Variants in KIAA1210 observed in about 807,000 individuals in gnomAD.
KIAA1210 encodes the protein acrosomal protein KIAA1210.
Under a neutral mutation model 78.9 loss-of-function variants are expected in KIAA1210, and 48 were observed. That is an observed-to-expected ratio of 0.61 (90% CI 0.48 to 0.77). The LOEUF is 0.77. KIAA1210 is among the 30% of genes least tolerant of loss of function. The pLI is 0.00. For missense variants in KIAA1210, 1,108 were observed against 1,100.0 expected, an observed-to-expected ratio of 1.01 and a Z score of -0.10; for synonymous variants, 406 against 404.5, an observed-to-expected ratio of 1.00 and a Z score of -0.04.
chrX:119,088,917 T>C lies in KIAA1210; in HGVS notation c.1785A>G (p.Ser595=). ...TLPPRSLFQS[S]RKPDAEEVSS... ...AGACTTCTTCAGCATCAGGCTTCCT[T>C]GAGGACTGAAAAAGGCTTCTGGGAG... The change falls in exon 9 of 12, where the codon TCA becomes TCG. Residue 595 remains serine, a synonymous_variant. Coordinates refer to ENST00000691062, the MANE Select transcript of KIAA1210 (RefSeq NM_001394962.1). 1 of 1,211,285 alleles carries C rather than the reference T, an allele frequency of 8.3e-7. No homozygotes were observed. The highest frequency in any genetic ancestry group is 1.1e-6 in the Non-Finnish European group (1 of 895,109).
rs1926951085 is a variant in KIAA1210, at chrX:119,081,285, A to C, written c.*44T>G. 4 of 1,009,322 alleles carry C rather than the reference A, an allele frequency of 4.0e-6. No individual in the cohort carries two copies. Among genetic ancestry groups the C allele is most frequent in the Non-Finnish European group, 5.3e-6 (4 of 760,099 alleles). 83.2% of individuals were successfully genotyped at this position (1,009,322 alleles called of 1,213,427 possible). ...CTGTCTCAAAAAAAAAAAAAAAAAA[A>C]AAAACTAAATAAAATAAATGCTGAT... On this transcript the variant is annotated 3_prime_UTR_variant, in exon 12 of 12. Coordinates refer to ENST00000691062, the MANE Select transcript of KIAA1210 (RefSeq NM_001394962.1).
intron 1 of KIAA1210, among the ~76,000 whole-genome samples, chrX:119,127,088 AT>A (rs201206630): frequency 2.3e-4 from 22 of 97,326 alleles, no homozygotes; most frequent in South Asian, 1.4e-3. Flanking sequence ...AAAAAAAAAA[AT>A]ATTCAAAAGC....
chrX:119,090,332 C>T (rs763820245), intron 8 of KIAA1210, among the ~76,000 whole-genome samples: 46 of 111,131 alleles, frequency 4.1e-4, no homozygotes, highest in African/African-American at 1.2e-3. Context: ...GCTGCAGTGG[C>T]GCGATCTCGG....
chrX:119,108,773 A>T (rs1927973999), intron 4 of KIAA1210, among the ~76,000 whole-genome samples: 1 of 107,736 alleles, frequency 9.3e-6, no homozygotes, highest in Non-Finnish European at 1.9e-5. Flanking sequence ...GAGCCTGGGA[A>T]GTTGAGTCTG....
chrX:119,090,103 T>G (rs190363700), intron 8 of KIAA1210, among the ~76,000 whole-genome samples: 3 of 111,198 alleles, frequency 2.7e-5, no homozygotes, highest in Admixed American at 9.6e-5. Context: ...ATTTTTTACT[T>G]TCTAATTAGC....
At chrX:119,107,324 G>A (rs187132060) in intron 5 of KIAA1210, among the ~76,000 whole-genome samples, 6 of 112,476 alleles carry the variant, frequency 5.3e-5, no homozygotes, top group African/African-American at 1.6e-4. Context: ...TGCTATATGA[G>A]TCTCTCTGTT....
chrX:119,140,862 C>A (rs1929033541), intron 2 of KIAA1210, among the ~76,000 whole-genome samples: 1 of 112,256 alleles, frequency 8.9e-6, no homozygotes, highest in African/African-American at 3.2e-5. Flanking sequence ...ATCACCTGAG[C>A]CCAGGAGTTC....
At chrX:119,126,563 G>T (rs1446403681) in intron 1 of KIAA1210, among the ~76,000 whole-genome samples, 1 of 111,691 alleles carries the variant, frequency 9.0e-6, no homozygotes, top group Non-Finnish European at 1.9e-5. Flanking sequence ...TAATTACCCC[G>T]CTCACACACA....
At chrX:119,112,109 A>ACT (rs1371188544) in intron 3 of KIAA1210, among the ~76,000 whole-genome samples, 7 of 109,917 alleles carry the variant, frequency 6.4e-5, no homozygotes, top group African/African-American at 1.0e-4. Flanking sequence ...CCCCGCTTGC[A>ACT]CTCTCTCTCT....
At chrX:119,101,211 A>G (rs1197916708) in intron 6 of KIAA1210, among the ~76,000 whole-genome samples, 1 of 112,186 alleles carries the variant, frequency 8.9e-6, no homozygotes, top group African/African-American at 3.2e-5. Flanking sequence ...GTCCTTTTTA[A>G]TGATTTCTTT....
At chrX:119,145,861 A>G (rs753368219) in intron 2 of KIAA1210, among the ~76,000 whole-genome samples, 15 of 112,262 alleles carry the variant, frequency 1.3e-4, no homozygotes, top group Admixed American at 2.8e-4. Context: ...TTAAAGCAGT[A>G]GAAGGAGAGT....
chrX:119,129,705 C>T (rs1201345377), upstream of KIAA1210, among the ~76,000 whole-genome samples: 1 of 111,502 alleles, frequency 9.0e-6, no homozygotes, highest in Non-Finnish European at 1.9e-5. Context: ...ATACACAGAT[C>T]CCATTCCTAG....
At position 119,116,677 on chromosome X, in the gene KIAA1210, A is replaced by G; in HGVS notation, c.62-13T>C. The G allele has an allele frequency of 8.4e-7, 1 of 1,186,560 alleles. No individual in the cohort carries two copies. Among genetic ancestry groups the G allele is most frequent in the Non-Finnish European group, 1.1e-6 (1 of 879,217 alleles). On this transcript the variant is annotated splice_polypyrimidine_tract_variant and intron_variant, in intron 2 of 11. Coordinates refer to ENST00000691062, the MANE Select transcript of KIAA1210 (RefSeq NM_001394962.1). Reference sequence around the variant, plus strand: ...CATTTCTTCTTTCCTGGAAGTGAAAAATGAAAATGAGGCAGAGTGTGATGG... The same window carrying G: ...CATTTCTTCTTTCCTGGAAGTGAAAGATGAAAATGAGGCAGAGTGTGATGG...
upstream of KIAA1210, among the ~76,000 whole-genome samples, chrX:119,130,982 A>G (rs777657888): frequency 1.8e-5 from 2 of 111,237 alleles, no homozygotes; most frequent in African/African-American, 6.5e-5. Context: ...AAAAGAGGGG[A>G]AAAAAGGGGA....
At chrX:119,125,714 C>CAG (rs1928609010) in intron 1 of KIAA1210, among the ~76,000 whole-genome samples, 1 of 4,443 alleles carries the variant, frequency 2.3e-4, no homozygotes, top group Non-Finnish European at 1.6e-3. Flanking sequence ...CCAGCTAATA[C>CAG]ATATATATAT....
chrX:119,120,119 T>C (rs1014283174), intron 2 of KIAA1210, among the ~76,000 whole-genome samples: 1 of 111,437 alleles, frequency 9.0e-6, no homozygotes, highest in Non-Finnish European at 1.9e-5. Context: ...CAGTGAGCTA[T>C]GACAATGCCA....
chrX:119,116,347 A>G (rs1007780166), intron 3 of KIAA1210, 149 bp downstream of exon 3: 91 of 508,275 alleles, frequency 1.8e-4, no homozygotes, highest in Non-Finnish European at 2.8e-4. Flanking sequence ...CCTCCCCCGG[A>G]CATGACTGCA....
At position 119,110,744 on chromosome X, in the gene KIAA1210, C is replaced by T. The variant is rs150077596; in HGVS notation, c.231-1542G>A. 3.8e-3 allele frequency among the ~76,000 whole-genome samples: 422 copies of T among 111,156 alleles called. 1 individual carries two copies. The highest frequency in any genetic ancestry group is 0.013 in the African/African-American group (395 of 30,634). Reference sequence around the variant, plus strand: ...TTAAAAGTCAATTTAACAAAAGATGCGCAAAACTCATAATCTGAAAACTAT... The same window carrying T: ...TTAAAAGTCAATTTAACAAAAGATGTGCAAAACTCATAATCTGAAAACTAT... On this transcript the variant is annotated intron_variant, in intron 3 of 11. Transcript: ENST00000691062.
chrX:119,105,525 G>C lies in KIAA1210; in HGVS notation c.493-378C>G, dbSNP rs756236091. ...GTTTTAATGTCTGAATTTGACTTTG[G>C]AAGTCCAGTTCTCATAGAGGCGAGT... On this transcript the variant is annotated intron_variant, in intron 5 of 11. Coordinates refer to ENST00000691062, the MANE Select transcript of KIAA1210 (RefSeq NM_001394962.1). Among the ~76,000 whole-genome samples, 3 of 112,094 alleles carry C rather than the reference G, an allele frequency of 2.7e-5. No individual in the cohort carries two copies. The South Asian group carries it at 1.1e-3, about 42-fold the overall frequency.
Sources: gnomAD v4.1 joint callset for allele counts (sites outside exome capture counted in the v4.1 genomes callset) on GRCh38, gnomAD v4.1.1 for gene constraint, MANE v1.5 for transcripts, NCBI Gene and HGNC (gene_info 2026-07-23, HGNC 2026-07-21) for gene names.